Variants in GBE1 observed in about 807,000 individuals in gnomAD.
GBE1 encodes 1,4-alpha-glucan branching enzyme 1.
In GBE1, 70 loss-of-function variants were observed where a neutral mutation model predicts 88.8. That is an observed-to-expected ratio of 0.79 (90% CI 0.65 to 0.96). GBE1 has a LOEUF of 0.96. Ranked by LOEUF, GBE1 falls within the 40% of genes least tolerant of loss-of-function variation. GBE1 has a pLI of 0.00. For synonymous variants in GBE1, 284 were observed against 300.1 expected, an observed-to-expected ratio of 0.95 and a Z score of 0.56; for missense variants, 872 against 871.0, an observed-to-expected ratio of 1.00 and a Z score of -0.01.
intron 7 of GBE1, among the ~76,000 whole-genome samples, chr3:81,615,223 T>C (rs1201707230): frequency 6.6e-6 from 1 of 152,208 alleles, no homozygotes; most frequent in African/African-American, 2.4e-5. Context: ...TTAAACTTTT[T>C]ATCTTGAGAA....
At chr3:81,669,043 T>C (rs1488409408) in intron 3 of GBE1, among the ~76,000 whole-genome samples, 5 of 152,110 alleles carry the variant, frequency 3.3e-5, no homozygotes, top group Admixed American at 2.6e-4. Context: ...CTAGTGAAAA[T>C]ATGAATAAAT....
intron 12 of GBE1, among the ~76,000 whole-genome samples, chr3:81,550,805 A>G (rs1256860033): frequency 1.3e-5 from 2 of 152,210 alleles, no homozygotes; most frequent in South Asian, 2.1e-4. Flanking sequence ...GGAGGTATGA[A>G]TAATCCACCC....
At chr3:81,516,260 T>C (rs1702797645) in intron 14 of GBE1, among the ~76,000 whole-genome samples, 1 of 151,568 alleles carries the variant, frequency 6.6e-6, no homozygotes, top group South Asian at 2.1e-4. Flanking sequence ...AATGTTCATT[T>C]ACTGTTTCCA....
intron 1 of GBE1, among the ~76,000 whole-genome samples, chr3:81,728,691 A>G (rs919126372): frequency 6.6e-6 from 1 of 152,168 alleles, no homozygotes; most frequent in Non-Finnish European, 1.5e-5. Flanking sequence ...AAGAAAAGGA[A>G]AAAGAAAGAA....
At chr3:81,516,238 T>G (rs1702797300) in intron 14 of GBE1, among the ~76,000 whole-genome samples, 1 of 151,538 alleles carries the variant, frequency 6.6e-6, no homozygotes, top group Non-Finnish European at 1.5e-5. Context: ...CTGGTGACTT[T>G]GAGTTGAAGC....
chr3:81,681,222 G>T (rs1372371225), intron 2 of GBE1, among the ~76,000 whole-genome samples: 2 of 152,120 alleles, frequency 1.3e-5, no homozygotes, highest in African/African-American at 4.8e-5. Context: ...TCATCCTATG[G>T]GCCAAGAATG....
chr3:81,754,212 C>G (rs1448646501), intron 1 of GBE1, among the ~76,000 whole-genome samples: 1 of 151,888 alleles, frequency 6.6e-6, no homozygotes, highest in East Asian at 1.9e-4. Flanking sequence ...ATTTACAATA[C>G]CTACAACGAA....
At chr3:81,542,661 T>C (rs1368243977) in intron 12 of GBE1, among the ~76,000 whole-genome samples, 1 of 151,946 alleles carries the variant, frequency 6.6e-6, no homozygotes, top group East Asian at 1.9e-4. Flanking sequence ...ATTGAAAAAT[T>C]AGTAAGCATT....
At chr3:81,750,644 T>TATATATATATAC (rs1491188517) in intron 1 of GBE1, among the ~76,000 whole-genome samples, 1 of 50,916 alleles carries the variant, frequency 2.0e-5, no homozygotes, top group Non-Finnish European at 3.0e-5. Context: ...TATATATATA[T>TATATATATATAC]GTATATATAT....
At chr3:81,730,232 T>C (rs1706167404) in intron 1 of GBE1, among the ~76,000 whole-genome samples, 1 of 152,158 alleles carries the variant, frequency 6.6e-6, no homozygotes, top group South Asian at 2.1e-4. Context: ...AAGAGTCTGC[T>C]GAAGTCTCAA....
chr3:81,749,765 T>C (rs1706469590), intron 1 of GBE1, among the ~76,000 whole-genome samples: 1 of 152,212 alleles, frequency 6.6e-6, no homozygotes, highest in African/African-American at 2.4e-5. Context: ...GTTTGCAACT[T>C]TCTGTGAGTC....
Position 81,574,981 on chromosome 3 carries a change from G to A in GBE1, c.1618+2944C>T, listed in dbSNP as rs541377501. Among the ~76,000 whole-genome samples, 31 of 152,058 alleles carry A rather than the reference G, an allele frequency of 2.0e-4. 1 individual carries two copies. The South Asian group carries it at 5.6e-3, about 28-fold the overall frequency. ...AGATCGAGATCATCCTGTCTAACAC[G>A]GTGAAACACTGTCTCTACTAAAAAA... On this transcript the variant is annotated intron_variant, in intron 12 of 15. Transcript: ENST00000429644.
At chr3:81,514,931 A>G (rs1702777018) in intron 14 of GBE1, among the ~76,000 whole-genome samples, 1 of 151,636 alleles carries the variant, frequency 6.6e-6, no homozygotes, top group Non-Finnish European at 1.5e-5. Flanking sequence ...AATTTAGTTT[A>G]GACATAGAAT....
At chr3:81,572,754 C>T (rs1009233839) in intron 12 of GBE1, among the ~76,000 whole-genome samples, 4 of 151,952 alleles carry the variant, frequency 2.6e-5, no homozygotes, top group Non-Finnish European at 5.9e-5. Flanking sequence ...TAAGAAAATC[C>T]TTTAATGCCC....
At chr3:81,731,936 T>TA (rs1706192112) in intron 1 of GBE1, among the ~76,000 whole-genome samples, 1 of 152,142 alleles carries the variant, frequency 6.6e-6, no homozygotes, top group Admixed American at 6.6e-5. Context: ...TACATAAGTC[T>TA]AAAATCTCTT....
chr3:81,627,840 G>T (rs184954541), intron 7 of GBE1, among the ~76,000 whole-genome samples: 1 of 151,548 alleles, frequency 6.6e-6, no homozygotes, highest in Admixed American at 6.6e-5. Flanking sequence ...AATGCAGTGG[G>T]CAGTGGTGCA....
At chr3:81,521,950 T>A (rs1166933929) in intron 14 of GBE1, among the ~76,000 whole-genome samples, 1 of 151,488 alleles carries the variant, frequency 6.6e-6, no homozygotes, top group Non-Finnish European at 1.5e-5. Context: ...ACTCCATGAA[T>A]AAGAGAGCAG....
At chr3:81,624,711 T>A (rs1402026550) in intron 7 of GBE1, among the ~76,000 whole-genome samples, 1 of 152,122 alleles carries the variant, frequency 6.6e-6, no homozygotes, top group Non-Finnish European at 1.5e-5. Flanking sequence ...AGATATTTAT[T>A]TGAGCCAGTT....
At chr3:81,550,397 C>T (rs1373780248) in intron 12 of GBE1, among the ~76,000 whole-genome samples, 3 of 151,304 alleles carry the variant, frequency 2.0e-5, no homozygotes, top group Admixed American at 6.6e-5. Flanking sequence ...CCTTATTCAG[C>T]CTGAAGAAGT....
Sources: gnomAD v4.1 joint callset for allele counts (sites outside exome capture counted in the v4.1 genomes callset) on GRCh38, gnomAD v4.1.1 for gene constraint, MANE v1.5 for transcripts, NCBI Gene and HGNC (gene_info 2026-07-23, HGNC 2026-07-21) for gene names.